The following TNRC6B variants were observed in gnomAD, a reference collection of about 807,000 sequenced individuals.
The protein encoded by TNRC6B is trinucleotide repeat-containing gene 6B protein.
TNRC6B carries 52 observed loss-of-function variants against 203.6 expected under a neutral mutation model. That is an observed-to-expected ratio of 0.26 (90% CI 0.20 to 0.32). The LOEUF is 0.32. Ranked by LOEUF, TNRC6B falls within the 10% of genes least tolerant of loss-of-function variation. The probability of loss-of-function intolerance (pLI) is 1.00; values close to 1 mark genes in which losing one functional copy is unlikely to be tolerated. For missense variants in TNRC6B, 1,923 were observed against 2,286.2 expected, an observed-to-expected ratio of 0.84 and a Z score of 3.24; for synonymous variants, 838 against 845.7, an observed-to-expected ratio of 0.99 and a Z score of 0.16.
At chr22:40,136,693 G>A (rs938956105) in intron 3 of TNRC6B, among the ~76,000 whole-genome samples, 3 of 151,936 alleles carry the variant, frequency 2.0e-5, no homozygotes, top group Non-Finnish European at 1.5e-5. Context: ...ACAGGCATGA[G>A]CCACCATGCC....
chr22:40,152,193 A>G (rs764417724), intron 3 of TNRC6B, among the ~76,000 whole-genome samples: 2 of 152,244 alleles, frequency 1.3e-5, no homozygotes, highest in Non-Finnish European at 1.5e-5. Context: ...AAATGTTTCT[A>G]GAGAAGACAC....
intron 1 of TNRC6B, among the ~76,000 whole-genome samples, chr22:40,211,467 C>A (rs1317645684): frequency 6.6e-6 from 1 of 152,038 alleles, no homozygotes; most frequent in African/African-American, 2.4e-5. Flanking sequence ...TCAGGAACAC[C>A]ACCTGTATTG....
intron 1 of TNRC6B, among the ~76,000 whole-genome samples, chr22:40,079,444 A>C (rs1458843132): frequency 1.3e-5 from 2 of 152,206 alleles, no homozygotes; most frequent in Admixed American, 6.5e-5. Flanking sequence ...CTGCCACCAG[A>C]ATAAAATTTC....
chr22:40,179,178 A>G (rs76436544), intron 1 of TNRC6B, among the ~76,000 whole-genome samples: 2 of 152,076 alleles, frequency 1.3e-5, no homozygotes, highest in African/African-American at 4.8e-5. Context: ...CATTACTCCT[A>G]ATGCAGGATT....
At chr22:40,102,618 TC>T (rs1414013023) in intron 1 of TNRC6B, among the ~76,000 whole-genome samples, 1 of 152,060 alleles carries the variant, frequency 6.6e-6, no homozygotes, top group Non-Finnish European at 1.5e-5. Flanking sequence ...TATATAAACT[TC>T]ACCCAGTTTA....
chr22:40,075,154 A>ATTTT (rs1181613595), intron 1 of TNRC6B, among the ~76,000 whole-genome samples: 42 of 55,350 alleles, frequency 7.6e-4, no homozygotes, highest in African/African-American at 3.7e-3. Flanking sequence ...ATATATATAT[A>ATTTT]TATTTTTTTT....
intron 16 of TNRC6B, among the ~76,000 whole-genome samples, chr22:40,309,908 C>T (rs2071150415): frequency 6.6e-6 from 1 of 152,136 alleles, no homozygotes; most frequent in Non-Finnish European, 1.5e-5. Flanking sequence ...ATAATATTCC[C>T]ATTAGGCTGC....
chr22:40,051,309 T>G (rs887540996), intron 1 of TNRC6B, among the ~76,000 whole-genome samples: 9 of 152,224 alleles, frequency 5.9e-5, no homozygotes, highest in Non-Finnish European at 1.0e-4. Context: ...TAAACTAAAC[T>G]GTGCTAAGCT....
chr22:40,287,597 A>G (rs954866798), intron 12 of TNRC6B, among the ~76,000 whole-genome samples: 3 of 152,220 alleles, frequency 2.0e-5, no homozygotes, highest in Non-Finnish European at 4.4e-5. Context: ...TCCTTTAGAC[A>G]GAGCCATTTC....
chr22:40,250,478 A>G (rs1013795010), intron 2 of TNRC6B, among the ~76,000 whole-genome samples: 3 of 152,054 alleles, frequency 2.0e-5, no homozygotes, highest in Non-Finnish European at 4.4e-5. Context: ...TTTTTTAACA[A>G]AGCACCCTTG....
upstream of TNRC6B, among the ~76,000 whole-genome samples, chr22:40,174,330 C>T (rs1267808327): frequency 2.0e-5 from 3 of 152,034 alleles, no homozygotes; most frequent in Admixed American, 6.6e-5. Flanking sequence ...CAGGCGTGTG[C>T]CACCATGCCC....
chr22:40,137,982 CAAAAA>C (rs10578847), intron 3 of TNRC6B, among the ~76,000 whole-genome samples: 33,267 of 109,846 alleles, frequency 0.3, 3,992 homozygotes, highest in Admixed American at 0.43. Flanking sequence ...GACTGTATCT[CAAAAA>C]AAAAAAAAAA....
rs1487036889 is a variant in TNRC6B at position 40,331,576 on chromosome 22, C to T, written c.*8335C>T. 7 of 379,712 alleles carry T rather than the reference C, an allele frequency of 1.8e-5. No individual in the cohort carries two copies. The highest frequency in any genetic ancestry group is 1.3e-4 in the African/African-American group (6 of 47,624). 23.5% of individuals were successfully genotyped at this position (379,712 alleles called of 1,614,324 possible). On this transcript the variant is annotated 3_prime_UTR_variant, in exon 23 of 23. Coordinates refer to ENST00000454349, the MANE Select transcript of TNRC6B (RefSeq NM_001162501.2). ...TTCTGCGCTTTGCTCTCATTCCTCT[C>T]TCATGGCCTTGAAATGTATTATTAT...
At chr22:40,292,905 C>CT (rs2070887433) in intron 12 of TNRC6B, among the ~76,000 whole-genome samples, 1 of 152,204 alleles carries the variant, frequency 6.6e-6, no homozygotes, top group African/African-American at 2.4e-5. Flanking sequence ...TCTTTATATT[C>CT]TTTCTGCATG....
rs564068914 is a variant in TNRC6B at position 40,280,061 on chromosome 22, T to C, written c.3329T>C (p.Ile1110Thr). ...ATGAATCTCGGGGATTTTAATGATA[T>C]CATGAGGAAGGATCGATCTGGGTTC... The part of the protein sequence containing the change: ...RAMNLGDFND[I>T]MRKDRSGFRP... Residue 1110 changes from isoleucine to threonine, a missense_variant, in exon 10 of 23, where the codon ATC becomes ACC. Coordinates refer to ENST00000454349, the MANE Select transcript of TNRC6B (RefSeq NM_001162501.2). 2.5e-6 allele frequency: 4 copies of C among 1,613,858 alleles called. No homozygotes were observed. Among genetic ancestry groups the C allele is most frequent in the South Asian group, 1.1e-5 (1 of 91,078 alleles).
intron 1 of TNRC6B, among the ~76,000 whole-genome samples, chr22:40,212,870 A>T (rs977610480): frequency 6.6e-6 from 1 of 151,906 alleles, no homozygotes; most frequent in Non-Finnish European, 1.5e-5. Flanking sequence ...GGCTGGTCTC[A>T]AACTCCTGAC....
At chr22:40,055,213 A>G (rs1404202978) in intron 1 of TNRC6B, among the ~76,000 whole-genome samples, 2 of 152,312 alleles carry the variant, frequency 1.3e-5, no homozygotes, top group South Asian at 2.1e-4. Context: ...GTGGACACAG[A>G]TGAGTGCCAT....
rs541519847 is a variant in TNRC6B, at chr22:40,332,367, G to A, written c.*9126G>A. The A allele has an allele frequency of 6.5e-6, 1 of 152,750 alleles. No individual in the cohort carries two copies. Among genetic ancestry groups the A allele is most frequent in the Admixed American group, 6.5e-5 (1 of 15,302 alleles). 9.5% of individuals were successfully genotyped at this position (152,750 alleles called of 1,614,324 possible). A position where few individuals can be genotyped will look rare whatever the true frequency, so the allele number is the denominator to read the frequency against. On this transcript the variant is annotated 3_prime_UTR_variant, in exon 23 of 23. Coordinates refer to ENST00000454349, the MANE Select transcript of TNRC6B (RefSeq NM_001162501.2). ...GTATGAAGCCAATGAGCTGCGAGGT[G>A]TTTTGACAGGGGAGGTCTGCATGCA...
chr22:40,132,072 G>C (rs2068549794), intron 3 of TNRC6B, among the ~76,000 whole-genome samples: 1 of 152,204 alleles, frequency 6.6e-6, no homozygotes, highest in Non-Finnish European at 1.5e-5. Context: ...CTGTGACTGG[G>C]TGCAGTGGCT....
Sources: gnomAD v4.1 joint callset for allele counts (sites outside exome capture counted in the v4.1 genomes callset) on GRCh38, gnomAD v4.1.1 for gene constraint, MANE v1.5 for transcripts, NCBI Gene and HGNC (gene_info 2026-07-23, HGNC 2026-07-21) for gene names.